The following TRIM37 variants were observed in gnomAD, a reference collection of about 807,000 sequenced individuals.
TRIM37 encodes E3 ubiquitin-protein ligase TRIM37.
A neutral mutation model predicts 129.8 loss-of-function variants in TRIM37; 80 were observed. The observed-to-expected ratio is 0.62, with a 90% confidence interval of 0.51 to 0.74. The LOEUF (loss-of-function observed/expected upper bound fraction) is 0.74, where lower values mean the gene tolerates loss of function less well. TRIM37 is among the 30% of genes least tolerant of loss of function. The pLI is 0.00. For synonymous variants in TRIM37, 389 were observed against 387.1 expected, an observed-to-expected ratio of 1.00 and a Z score of -0.06; for missense variants, 1,054 against 1,176.5, an observed-to-expected ratio of 0.90 and a Z score of 1.52.
At chr17:58,978,411 G>T (rs2031152954), downstream of TRIM37, among the ~76,000 whole-genome samples, 1 of 151,934 alleles carries the variant, frequency 6.6e-6, no homozygotes, top group Admixed American at 6.6e-5. Context: ...TTATTTTTTT[G>T]TAAAGAAGTG....
At position 58,999,356 on chromosome 17, in the gene TRIM37, T is replaced by G; in HGVS notation, c.*21A>C. 1 of 1,613,836 alleles carries G rather than the reference T, an allele frequency of 6.2e-7. No individual in the cohort carries two copies. The highest frequency in any genetic ancestry group is 1.1e-5 in the South Asian group (1 of 91,084). Reference sequence around the variant, plus strand: ...ATTCAGGGTCAAGGTAGCTTGCAAGTCAGTTCTCTTGATTTGGCAATTACC... The same window carrying G: ...ATTCAGGGTCAAGGTAGCTTGCAAGGCAGTTCTCTTGATTTGGCAATTACC... On this transcript the variant is annotated 3_prime_UTR_variant, in exon 24 of 24. Coordinates refer to ENST00000262294, the MANE Select transcript of TRIM37 (RefSeq NM_015294.6).
At chr17:59,080,999 AC>A in intron 6 of TRIM37, 97 bp downstream of exon 6, 9 of 756,228 alleles carry the variant, frequency 1.2e-5, no homozygotes, top group Non-Finnish European at 1.6e-5. Flanking sequence ...AATCTTGAAA[AC>A]CTTGATTTCA....
intron 22 of TRIM37, among the ~76,000 whole-genome samples, chr17:59,009,851 T>C (rs1705170857): frequency 6.6e-6 from 1 of 152,360 alleles, no homozygotes; most frequent in Middle Eastern, 3.4e-3. Flanking sequence ...AACTACCATG[T>C]AGAGTTATTC....
chr17:59,078,790 A>G (rs1334249265), intron 7 of TRIM37, among the ~76,000 whole-genome samples: 2 of 152,164 alleles, frequency 1.3e-5, no homozygotes, highest in African/African-American at 4.8e-5. Context: ...CACTGGGTGG[A>G]TGAACTGTGC....
chr17:58,981,992 A>G (rs536768380), downstream of TRIM37: 10 of 152,668 alleles, frequency 6.6e-5, no homozygotes, highest in Non-Finnish European at 1.0e-4. Context: ...TATAAAATAC[A>G]AAGTGATTTT....
At chr17:58,981,157 A>G, downstream of TRIM37, 1 of 673,496 alleles carries the variant, frequency 1.5e-6, no homozygotes, top group Non-Finnish European at 2.4e-6. Context: ...CAATTCTTAA[A>G]TGTAAATAGA....
rs533383757 is a variant in TRIM37, at chr17:59,070,690, A to T, written c.809+133T>A. Reference sequence around the variant, plus strand: ...CCAGGAGTTTGAGACCAGCCTGGGCAACAAGTGAGACCCTATCTATAAAAG... The same window carrying T: ...CCAGGAGTTTGAGACCAGCCTGGGCTACAAGTGAGACCCTATCTATAAAAG... On this transcript the variant is annotated intron_variant, in intron 9 of 23. Transcript: ENST00000262294. The T allele has an allele frequency of 1.8e-4, 186 of 1,018,094 alleles. 1 individual carries two copies. The Middle Eastern group carries it at 2.9e-3, about 16-fold the overall frequency. 63.1% of individuals were successfully genotyped at this position (1,018,094 alleles called of 1,614,324 possible). A position where few individuals can be genotyped will look rare whatever the true frequency, so the allele number is the denominator to read the frequency against.
In TRIM37 at chr17:59,106,863, G is replaced by A. The variant is rs2046051958; in HGVS notation, c.-402C>T. 6.1e-6 allele frequency: 2 copies of A among 329,970 alleles called. No individual in the cohort carries two copies. Among genetic ancestry groups the A allele is most frequent in the African/African-American group, 2.2e-5 (1 of 44,708 alleles). The allele number at this position is 329,970 out of a possible 1,614,324, so 20.4% of individuals were successfully genotyped here. A position where few individuals can be genotyped will look rare whatever the true frequency, so the allele number is the denominator to read the frequency against. On this transcript the variant is annotated 5_prime_UTR_variant, in exon 1 of 24. Transcript: ENST00000262294. ...CCGTAACCAGAGCAGCTGGGGGCGC[G>A]GCGGCGAGAGAAGCTGCGAAGCGCA...
intron 24 of TRIM37, among the ~76,000 whole-genome samples, chr17:58,986,529 T>TG (rs2031835526): frequency 6.6e-6 from 1 of 151,108 alleles, no homozygotes; most frequent in Non-Finnish European, 1.5e-5. Context: ...TTTTCTTTTT[T>TG]GAGACAAGAG....
chr17:59,017,546 A>C (rs2036103556), intron 19 of TRIM37, 122 bp from the exon 20 acceptor site: 1 of 1,335,190 alleles, frequency 7.5e-7, no homozygotes, highest in Non-Finnish European at 1.1e-6. Flanking sequence ...CTGTCTAAAA[A>C]TAAACAACAT....
intron 6 of TRIM37, 120 bp from the exon 7 acceptor site, chr17:59,079,997 G>C: frequency 8.9e-7 from 1 of 1,122,178 alleles, no homozygotes; most frequent in Admixed American, 2.2e-5. Context: ...AGGTCAAATG[G>C]AAATGACCCA....
At chr17:59,037,743 ATAT>A (rs1250816238) in intron 17 of TRIM37, among the ~76,000 whole-genome samples, 10 of 152,062 alleles carry the variant, frequency 6.6e-5, no homozygotes, top group African/African-American at 4.8e-5. Flanking sequence ...CAATACTGAT[ATAT>A]TATTAACTAA....
At chr17:59,041,771 A>C (rs1173049640) in intron 17 of TRIM37, 42 bp downstream of exon 17, 1 of 1,428,000 alleles carries the variant, frequency 7.0e-7, no homozygotes, top group South Asian at 1.1e-5. Flanking sequence ...AAGAGCAGAG[A>C]GAAAACAGAA....
At chr17:59,059,744 T>C (rs1033251915) in intron 12 of TRIM37, among the ~76,000 whole-genome samples, 1 of 152,224 alleles carries the variant, frequency 6.6e-6, no homozygotes, top group Non-Finnish European at 1.5e-5. Flanking sequence ...GTTAAGTTAC[T>C]TGAAAACAAT....
At chr17:58,996,192 G>T (rs569856181), downstream of TRIM37, among the ~76,000 whole-genome samples, 20 of 152,174 alleles carry the variant, frequency 1.3e-4, no homozygotes, top group East Asian at 3.1e-3. Context: ...ATCAGGGCTG[G>T]GCGGGCACAG....
At chr17:58,986,818 C>T (rs2031862689) in intron 24 of TRIM37, among the ~76,000 whole-genome samples, 1 of 152,168 alleles carries the variant, frequency 6.6e-6, no homozygotes, top group Non-Finnish European at 1.5e-5. Flanking sequence ...CCCCATCTGT[C>T]ATCTTAACAG....
chr17:59,029,463 A>G (rs572909617), intron 18 of TRIM37, among the ~76,000 whole-genome samples: 9 of 152,270 alleles, frequency 5.9e-5, no homozygotes, highest in East Asian at 1.9e-4. Flanking sequence ...ACTTACCACT[A>G]TATGTACCTT....
chr17:58,985,272 G>T (rs555077162), intron 24 of TRIM37: 1 of 152,618 alleles, frequency 6.6e-6, no homozygotes, highest in African/African-American at 2.4e-5. Flanking sequence ...AAAATCCTGA[G>T]ATGGACGTTA....
downstream of TRIM37, among the ~76,000 whole-genome samples, chr17:58,996,784 A>AG (rs1303779091): frequency 3.2e-5 from 4 of 124,642 alleles, no homozygotes; most frequent in Admixed American, 8.0e-5. Context: ...AAAAAAAAGT[A>AG]TATATATATG....
Sources: allele counts gnomAD v4.1 joint callset (sites outside exome capture counted in the v4.1 genomes callset), GRCh38; gene constraint gnomAD v4.1.1; transcripts MANE v1.5; gene names NCBI Gene and HGNC (gene_info 2026-07-23, HGNC 2026-07-21).